Variants in PTPRA observed in about 807,000 individuals in gnomAD.
PTPRA encodes the protein receptor-type tyrosine-protein phosphatase alpha.
A neutral mutation model predicts 104.8 loss-of-function variants in PTPRA; 25 were observed. The observed-to-expected ratio is 0.24, with a 90% CI of 0.17 to 0.33. The LOEUF is 0.33. Ranked by LOEUF, PTPRA falls within the 10% of genes least tolerant of loss-of-function variation. The pLI is 1.00. For missense variants in PTPRA, 765 were observed against 1,015.3 expected (o/e 0.75, Z 3.35); for synonymous variants, 323 against 368.9 (o/e 0.88, Z 1.43).
intron 2 of PTPRA, among the ~76,000 whole-genome samples, chr20:2,928,696 G>T (rs2147470530): frequency 6.6e-6 from 1 of 152,080 alleles, no homozygotes; most frequent in South Asian, 2.1e-4. Context: ...TTTTCTGTCA[G>T]CAGCTTTCTG....
At chr20:3,009,599 A>G (rs1008426166) in intron 11 of PTPRA, among the ~76,000 whole-genome samples, 1 of 152,310 alleles carries the variant, frequency 6.6e-6, no homozygotes, top group Admixed American at 6.5e-5. Flanking sequence ...ATGTATGTTT[A>G]ACATTAATGG....
upstream of PTPRA, among the ~76,000 whole-genome samples, chr20:2,872,602 T>C (rs2089456738): frequency 6.6e-6 from 1 of 152,232 alleles, no homozygotes; most frequent in Non-Finnish European, 1.5e-5. The surrounding 1 kb of genome is among the most constrained non-coding windows in gnomAD (Gnocchi z 7.9). Context: ...GACTGCGTAA[T>C]CGGCTTTCAG....
intron 3 of PTPRA, among the ~76,000 whole-genome samples, chr20:2,948,497 C>G (rs2061223520): frequency 6.6e-6 from 1 of 152,146 alleles, no homozygotes; most frequent in African/African-American, 2.4e-5. Context: ...TCTAGCAAAA[C>G]CTTAATTCTG....
At chr20:3,029,830 T>A (rs1211655038) in intron 20 of PTPRA, among the ~76,000 whole-genome samples, 1 of 152,100 alleles carries the variant, frequency 6.6e-6, no homozygotes, top group Non-Finnish European at 1.5e-5. Flanking sequence ...GCCCAGTGTC[T>A]TCATCATCAT....
intron 1 of PTPRA, among the ~76,000 whole-genome samples, chr20:2,890,993 A>G (rs1003932856): frequency 3.3e-5 from 5 of 152,210 alleles, no homozygotes; most frequent in African/African-American, 9.7e-5. Flanking sequence ...CCAGGTACCT[A>G]TAACAGTCTC....
intron 1 of PTPRA, among the ~76,000 whole-genome samples, chr20:2,919,777 T>C (rs2060037431): frequency 6.6e-6 from 1 of 152,156 alleles, no homozygotes; most frequent in African/African-American, 2.4e-5. Context: ...TCAACTAGGA[T>C]TTCTAGCTTG....
At position 3,027,681 on chromosome 20, in the gene PTPRA, C is replaced by G. The variant is rs377046610; in HGVS notation, c.1786-26C>G. 5.6e-6 allele frequency: 9 copies of G among 1,610,880 alleles called. No homozygotes were observed. The African/African-American group carries it at 1.1e-4, about 19-fold the overall frequency. On this transcript the variant is annotated intron_variant, in intron 19 of 23. Transcript: ENST00000399903. ...TCCCTCTGTGATTAAACCATCTCAC[C>G]CTTGCAATTAACCTGGCCTGTGCAG...
intron 2 of PTPRA, among the ~76,000 whole-genome samples, chr20:2,940,688 A>G (rs903354969): frequency 1.3e-5 from 2 of 152,130 alleles, no homozygotes; most frequent in East Asian, 1.9e-4. Context: ...AGAGAGAAAA[A>G]GAGAGAGAGA....
At position 2,964,962 on chromosome 20, in the gene PTPRA, C is replaced by T. The variant is rs749264227; in HGVS notation, c.175C>T (p.Leu59Phe). Residue 59 changes from leucine to phenylalanine, a missense_variant, in exon 5 of 24, where the codon CTT becomes TTT. By Grantham distance (22) the Leu-to-Phe change is conservative (BLOSUM62 0). This residue lies in a region of PTPRA where 256 missense variants were observed against 248.9 expected (regional missense o/e 1.03). Transcript: ENST00000399903. ...TSNPTSSLTS[L>F]SVAPTFSPNI... is the part of the protein sequence containing the mutation. ...AAATCCAACTTCTTCACTAACTTCT[C>T]TTTCTGTGGCACCAACATTCAGCCC... is the stretch of plus-strand genomic sequence containing the variant. The T allele has an allele frequency of 3.1e-6, 5 of 1,613,978 alleles. No homozygotes were observed. Among genetic ancestry groups the T allele is most frequent in the Non-Finnish European group, 4.2e-6 (5 of 1,179,798 alleles).
chr20:2,970,924 T>C (rs1240635491), intron 5 of PTPRA, among the ~76,000 whole-genome samples: 2 of 152,160 alleles, frequency 1.3e-5, no homozygotes, highest in African/African-American at 4.8e-5. Context: ...CCCTTAATAA[T>C]TTATTTTTCC....
intron 1 of PTPRA, among the ~76,000 whole-genome samples, chr20:2,897,936 G>C (rs1366617009): frequency 9.1e-6 from 1 of 110,366 alleles, no homozygotes; most frequent in Admixed American, 1.1e-4. Flanking sequence ...TTTTGAGACA[G>C]AGTTTTGCTC....
At chr20:3,004,541 C>A (rs1353664265) in intron 9 of PTPRA, among the ~76,000 whole-genome samples, 2 of 148,938 alleles carry the variant, frequency 1.3e-5, no homozygotes, top group Non-Finnish European at 3.0e-5. Flanking sequence ...CCCACCAGTC[C>A]TTGCTTCCTT....
At chr20:2,880,976 C>A (rs987307619) in intron 1 of PTPRA, among the ~76,000 whole-genome samples, 1 of 151,772 alleles carries the variant, frequency 6.6e-6, no homozygotes, top group Non-Finnish European at 1.5e-5. Context: ...CCACTGTACT[C>A]CAGCCTGGGG....
At chr20:3,013,871 T>G (rs776771228) in intron 11 of PTPRA, among the ~76,000 whole-genome samples, 2 of 152,198 alleles carry the variant, frequency 1.3e-5, no homozygotes, top group African/African-American at 2.4e-5. Context: ...TCAGTGGCTT[T>G]GCTTCATTCT....
chr20:3,017,837 A>T lies in PTPRA; in HGVS notation c.965A>T (p.Asn322Ile), dbSNP rs1004604710. The T allele has an allele frequency of 1.2e-6, 2 of 1,614,090 alleles. No homozygotes were observed. The highest frequency in any genetic ancestry group is 1.7e-6 in the Non-Finnish European group (2 of 1,180,026). Residue 322 changes from asparagine to isoleucine, a missense_variant, in exon 13 of 24, where the codon AAT becomes ATT. This residue lies in a region of PTPRA where 245 missense variants were observed against 398.7 expected (regional missense o/e 0.61). Transcript: ENST00000399903. ...TTAGGACCAAAAGAAGAAACGGTGAATGATTTCTGGCGGATGATCTGGGAA... is the reference window on the plus strand; with the variant it reads ...TTAGGACCAAAAGAAGAAACGGTGATTGATTTCTGGCGGATGATCTGGGAA... The part of the protein sequence containing the change: ...AAQGPKEETV[N>I]DFWRMIWEQN...
At chr20:2,947,896 G>A (rs763972113) in intron 2 of PTPRA, 86 bp from the exon 3 acceptor site, 13 of 560,980 alleles carry the variant, frequency 2.3e-5, no homozygotes, top group South Asian at 1.2e-4. Flanking sequence ...TTTGCCTATC[G>A]ATAATTTCTG....
At chr20:3,013,495 C>G (rs996491708) in intron 11 of PTPRA, among the ~76,000 whole-genome samples, 2 of 151,626 alleles carry the variant, frequency 1.3e-5, no homozygotes, top group African/African-American at 4.8e-5. Flanking sequence ...TCACTACAAC[C>G]TCTGCATCCG....
At chr20:2,887,925 G>A (rs2090470338) in intron 1 of PTPRA, among the ~76,000 whole-genome samples, 1 of 152,148 alleles carries the variant, frequency 6.6e-6, no homozygotes, top group African/African-American at 2.4e-5. Context: ...CGCTGTCTGT[G>A]AGATCACTGC....
chr20:3,035,645 G>C lies in PTPRA; in HGVS notation c.1981G>C (p.Glu661Gln). ...GLVSYGDITV[E>Q]LKKEEECESY... is the part of the protein sequence containing the mutation. ...GGTGTCCTATGGAGATATTACAGTG[G>C]AACTGAAGAAGGAGGAGGAATGTGA... The change falls in exon 21 of 24, where the codon GAA becomes CAA. Residue 661 changes from glutamate (E) to glutamine (Q), a missense_variant. Physicochemically the swap from Glu to Gln is conservative, Grantham distance 29. Transcript: ENST00000399903. This position sits in a 1 kb window ranked among gnomAD's most constrained non-coding sequence, Gnocchi z 5.8. 6.2e-7 allele frequency: 1 copy of C among 1,614,060 alleles called. No homozygotes were observed. The highest frequency in any genetic ancestry group is 8.5e-7 in the Non-Finnish European group (1 of 1,179,940).
Sources: gnomAD v4.1 joint callset for allele counts (sites outside exome capture counted in the v4.1 genomes callset) on GRCh38, gnomAD v4.1.1 for gene constraint, gnomAD v4.1.1 regional missense constraint, Gnocchi (gnomAD v3.1) non-coding constraint, MANE v1.5 for transcripts, NCBI Gene and HGNC (gene_info 2026-07-23, HGNC 2026-07-21) for gene names.